Variants in GNA12 observed in about 807,000 individuals in gnomAD.
The protein encoded by GNA12 is G protein subunit alpha 12, also known as guanine nucleotide-binding protein subunit alpha-12.
A neutral mutation model predicts 26.0 loss-of-function variants in GNA12; 9 were observed. The observed-to-expected ratio is 0.35, with a 90% CI of 0.21 to 0.60. GNA12 has a LOEUF of 0.60. Ranked by LOEUF, GNA12 falls within the 20% of genes least tolerant of loss-of-function variation. The probability of loss-of-function intolerance (pLI) is 0.78; values close to 1 mark genes in which losing one functional copy is unlikely to be tolerated. For synonymous variants in GNA12, 264 were observed against 219.6 expected, an observed-to-expected ratio of 1.20 and a Z score of -1.79; for missense variants, 405 against 525.8, an observed-to-expected ratio of 0.77 and a Z score of 2.25.
At chr7:2,784,372 C>A (rs1792308240) in intron 2 of GNA12, among the ~76,000 whole-genome samples, 1 of 152,180 alleles carries the variant, frequency 6.6e-6, no homozygotes, top group Non-Finnish European at 1.5e-5. Flanking sequence ...GCCTGCCTCA[C>A]CTACCAAAGG....
intron 1 of GNA12, among the ~76,000 whole-genome samples, chr7:2,811,299 C>A (rs1793075661): frequency 6.6e-6 from 1 of 152,184 alleles, no homozygotes; most frequent in African/African-American, 2.4e-5. Flanking sequence ...CACCGATGCC[C>A]AGAGCACAGC....
rs11552942 is a variant in GNA12 at position 2,728,478 on chromosome 7, G to A, written c.*2703C>T. Reference sequence around the variant, plus strand: ...AAAATCCTTGAAACAATTTCTCTACGAACATAAGAGTTAAAAATAGATTTC... The same window carrying A: ...AAAATCCTTGAAACAATTTCTCTACAAACATAAGAGTTAAAAATAGATTTC... On this transcript the variant is annotated 3_prime_UTR_variant, in exon 4 of 4. Coordinates refer to ENST00000275364, the MANE Select transcript of GNA12 (RefSeq NM_007353.3). 6.6e-6 allele frequency: 1 copy of A among 152,090 alleles called. No homozygotes were observed. Among genetic ancestry groups the A allele is most frequent in the African/African-American group, 2.4e-5 (1 of 41,322 alleles). 9.4% of individuals were successfully genotyped at this position (152,090 alleles called of 1,614,324 possible).
At chr7:2,827,797 C>G (rs1458611124) in intron 1 of GNA12, among the ~76,000 whole-genome samples, 1 of 152,180 alleles carries the variant, frequency 6.6e-6, no homozygotes, top group Non-Finnish European at 1.5e-5. Flanking sequence ...TGAGGTATTG[C>G]TAATTAACTA....
chr7:2,794,552 C>T (rs1313509537), intron 2 of GNA12, among the ~76,000 whole-genome samples: 1 of 152,062 alleles, frequency 6.6e-6, no homozygotes, highest in Non-Finnish European at 1.5e-5. Flanking sequence ...GATCTGAAGG[C>T]GTTCGTGAGT....
intron 1 of GNA12, among the ~76,000 whole-genome samples, chr7:2,843,151 A>G (rs867458135): frequency 1.4e-4 from 22 of 151,988 alleles, no homozygotes; most frequent in African/African-American, 5.1e-4. Flanking sequence ...GTTCCCGTCC[A>G]GTCTCCACTG....
At chr7:2,763,575 C>G (rs1791677089) in intron 2 of GNA12, among the ~76,000 whole-genome samples, 1 of 152,182 alleles carries the variant, frequency 6.6e-6, no homozygotes, top group African/African-American at 2.4e-5. Context: ...CTAAGGCTAG[C>G]TCGAAACAAA....
At chr7:2,791,993 C>T (rs1792532619) in intron 2 of GNA12, among the ~76,000 whole-genome samples, 1 of 152,164 alleles carries the variant, frequency 6.6e-6, no homozygotes, top group South Asian at 2.1e-4. Context: ...ACAAATGCAT[C>T]ACTGACTACA....
At chr7:2,836,726 C>T (rs1358494790) in intron 1 of GNA12, among the ~76,000 whole-genome samples, 3 of 152,130 alleles carry the variant, frequency 2.0e-5, no homozygotes, top group Non-Finnish European at 1.5e-5. Context: ...GAGTTCGAGA[C>T]CAGCCTGGCC....
At chr7:2,803,029 T>TC (rs1303931122) in intron 1 of GNA12, among the ~76,000 whole-genome samples, 1 of 152,188 alleles carries the variant, frequency 6.6e-6, no homozygotes, top group Non-Finnish European at 1.5e-5. Context: ...GAAAGCCCCC[T>TC]CTTGGCTCTG....
chr7:2,749,103 C>T (rs567372826), intron 2 of GNA12, among the ~76,000 whole-genome samples: 1,652 of 152,184 alleles, frequency 0.011, 34 homozygotes, highest in African/African-American at 0.037. Flanking sequence ...GTCAGTGTGG[C>T]GATTCCTCAG....
chr7:2,739,650 G>T (rs1237650761), intron 2 of GNA12, among the ~76,000 whole-genome samples: 2 of 152,226 alleles, frequency 1.3e-5, no homozygotes, highest in East Asian at 3.9e-4. Context: ...TATACACCTA[G>T]GAGTGAAACT....
chr7:2,839,637 G>A (rs1178663008), intron 1 of GNA12, among the ~76,000 whole-genome samples: 1 of 152,186 alleles, frequency 6.6e-6, no homozygotes, highest in East Asian at 1.9e-4. Flanking sequence ...GCCTGTCTTG[G>A]CCTCCCAAAG....
intron 2 of GNA12, among the ~76,000 whole-genome samples, chr7:2,736,787 G>A (rs1289879272): frequency 6.6e-6 from 1 of 152,222 alleles, no homozygotes; most frequent in Non-Finnish European, 1.5e-5. Flanking sequence ...CGTCAGGCAG[G>A]CACTGCAGCA....
At chr7:2,766,717 T>G (rs938414859) in intron 2 of GNA12, among the ~76,000 whole-genome samples, 3 of 152,174 alleles carry the variant, frequency 2.0e-5, no homozygotes, top group Non-Finnish European at 2.9e-5. Flanking sequence ...GTGAATAAAG[T>G]TGCTATAAAC....
chr7:2,746,735 T>G (rs868257191), intron 2 of GNA12, among the ~76,000 whole-genome samples: 154 of 151,860 alleles, frequency 1.0e-3, no homozygotes, highest in African/African-American at 3.6e-3. Context: ...CAGGAGCTGG[T>G]TTTTTGAAAA....
At chr7:2,751,729 A>G (rs1358334199) in intron 2 of GNA12, among the ~76,000 whole-genome samples, 1 of 152,234 alleles carries the variant, frequency 6.6e-6, no homozygotes, top group Non-Finnish European at 1.5e-5. Flanking sequence ...GAATGTTCCA[A>G]ACAACTTTAT....
At chr7:2,831,404 CTTTT>C (rs3996402) in intron 1 of GNA12, among the ~76,000 whole-genome samples, 3 of 130,070 alleles carry the variant, frequency 2.3e-5, no homozygotes, top group African/African-American at 2.8e-5. Context: ...ACTTCACTTT[CTTTT>C]TTTTTTTTTT....
chr7:2,832,036 G>C (rs370459407), intron 1 of GNA12, among the ~76,000 whole-genome samples: 3 of 152,194 alleles, frequency 2.0e-5, no homozygotes, highest in African/African-American at 4.8e-5. Context: ...GTGACTGCCA[G>C]TATCTCACCT....
intron 3 of GNA12, among the ~76,000 whole-genome samples, chr7:2,732,609 A>C (rs759916536): frequency 1.3e-5 from 2 of 152,154 alleles, no homozygotes; most frequent in African/African-American, 2.4e-5. Flanking sequence ...GAGTGCACAC[A>C]CCACTCAGGC....
Sources: allele counts gnomAD v4.1 joint callset (sites outside exome capture counted in the v4.1 genomes callset), GRCh38; gene constraint gnomAD v4.1.1; transcripts MANE v1.5; gene names NCBI Gene and HGNC (gene_info 2026-07-23, HGNC 2026-07-21).